Variants in NAXD observed in about 807,000 individuals in gnomAD.
NAXD encodes NAD(P)HX dehydratase, also known as ATP-dependent (S)-NAD(P)H-hydrate dehydratase.
NAXD carries 22 observed loss-of-function variants against 35.8 expected under a neutral mutation model. The observed-to-expected ratio is 0.62, with a 90% CI of 0.44 to 0.88. The LOEUF (loss-of-function observed/expected upper bound fraction) is 0.88. NAXD is among the 40% of genes least tolerant of loss of function. The pLI is 0.00. For missense variants in NAXD, 428 were observed against 437.7 expected (o/e 0.98, Z 0.20); for synonymous variants, 189 against 177.6 (o/e 1.06, Z -0.51).
In NAXD at chr13:110,628,306, G is replaced by A. The variant is rs1474165961; in HGVS notation, c.441+759G>A. Among the ~76,000 whole-genome samples, 1 of 152,170 alleles carries A rather than the reference G, an allele frequency of 6.6e-6. No homozygotes were observed. Among genetic ancestry groups the A allele is most frequent in the Admixed American group, 6.5e-5 (1 of 15,278 alleles). ...CCGGGGGACCCCTGTTAGAGCTCCT[G>A]GGGGAAGACACAGTGTGCCAGATGG... On this transcript the variant is annotated intron_variant, in intron 5 of 9. Coordinates refer to ENST00000680254, the MANE Select transcript of NAXD (RefSeq NM_001242882.2). This position sits in a 1 kb window ranked among gnomAD's most constrained non-coding sequence, Gnocchi z 4.1.
chr13:110,637,325 A>G, intron 9 of NAXD, 76 bp downstream of exon 9: 1 of 1,534,486 alleles, frequency 6.5e-7, no homozygotes, highest in Non-Finnish European at 9.0e-7. Context: ...TCATGCGTTG[A>G]ATAAGTAGCC....
rs1886999899 is a variant in NAXD at position 110,638,029 on chromosome 13, C to A, written c.840-349C>A. ...GTAGCAGGAATCCCCATTCTCAGAC[C>A]TCAGATGCCCTCTGCACCTGGGCAC... is the stretch of plus-strand genomic sequence containing the variant. On this transcript the variant is annotated intron_variant, in intron 9 of 9. Coordinates refer to ENST00000680254, the MANE Select transcript of NAXD (RefSeq NM_001242882.2). This position sits in a 1 kb window ranked among gnomAD's most constrained non-coding sequence, Gnocchi z 5.4. 6.6e-6 allele frequency among the ~76,000 whole-genome samples: 1 copy of A among 152,170 alleles called. No individual in the cohort carries two copies. The highest frequency in any genetic ancestry group is 1.5e-5 in the Non-Finnish European group (1 of 68,028).
intron 5 of NAXD, among the ~76,000 whole-genome samples, chr13:110,631,200 C>T (rs987456937): frequency 2.6e-5 from 4 of 152,178 alleles, no homozygotes; most frequent in African/African-American, 7.2e-5. Context: ...TTTGCACACT[C>T]GTTAACAGTG....
chr13:110,635,654 T>C (rs1200770986), intron 8 of NAXD, 66 bp downstream of exon 8: 24 of 1,586,212 alleles, frequency 1.5e-5, no homozygotes, highest in African/African-American at 2.7e-5. Context: ...ACACCGAGCA[T>C]GAGCCCTGGA....
At chr13:110,635,444 C>G (rs1347758716) in intron 7 of NAXD, 24 bp from the exon 8 acceptor site, 1 of 1,607,818 alleles carries the variant, frequency 6.2e-7, no homozygotes. Context: ...TTTGCTTTTT[C>G]TCTGTCTTCC....
intron 4 of NAXD, among the ~76,000 whole-genome samples, chr13:110,626,522 A>C (rs900900878): frequency 6.7e-6 from 1 of 149,808 alleles, no homozygotes; most frequent in Non-Finnish European, 1.5e-5. Flanking sequence ...GACGGTGCTT[A>C]AAGCTGGAAG....
intron 4 of NAXD, among the ~76,000 whole-genome samples, chr13:110,627,067 AAG>A (rs1205818862): frequency 6.6e-6 from 1 of 152,178 alleles, no homozygotes; most frequent in Non-Finnish European, 1.5e-5. Flanking sequence ...TGGGCATTAA[AAG>A]AGAGATCAGG....
rs1416265775 is a variant in NAXD, at chr13:110,638,401, C to T, written c.863C>T (p.Ala288Val). 14 of 1,613,754 alleles carry T rather than the reference C, an allele frequency of 8.7e-6. No homozygotes were observed. Among genetic ancestry groups the T allele is most frequent in the Admixed American group, 3.3e-5 (2 of 60,022 alleles). Residue 288 changes from alanine (A) to valine (V), a missense_variant, in exon 10 of 10, where the codon GCG becomes GTG. Transcript: ENST00000680254. The surrounding 1 kb of genome is among the most constrained non-coding windows in gnomAD (Gnocchi z 5.4). ...AGGTCCAGCCCTCTCCTGGTGGCCG[C>T]GTTTGGCGCCTGCTCTCTCACCAGG... ...TNGSSPLLVA[A>V]FGACSLTRQC...
At chr13:110,633,673 A>G (rs1012193472) in intron 5 of NAXD, among the ~76,000 whole-genome samples, 3 of 151,254 alleles carry the variant, frequency 2.0e-5, no homozygotes, top group Non-Finnish European at 4.4e-5. Flanking sequence ...ATGCTACTGC[A>G]GTGTATAATC....
intron 1 of NAXD, 116 bp downstream of exon 1, chr13:110,615,763 C>A: frequency 1.4e-6 from 2 of 1,422,850 alleles, no homozygotes; most frequent in South Asian, 3.0e-5. Context: ...TACGGGCCGC[C>A]ACTGGACGCA....
chr13:110,631,016 G>A (rs1002555394), intron 5 of NAXD, among the ~76,000 whole-genome samples: 1 of 152,182 alleles, frequency 6.6e-6, no homozygotes. Context: ...TCAGCTTGCT[G>A]ATTTGTGGAA....
rs749783304 is a variant in NAXD at position 110,638,296 on chromosome 13, C to T, written c.840-82C>T. The T allele has an allele frequency of 1.2e-6, 2 of 1,607,302 alleles. No homozygotes were observed. The highest frequency in any genetic ancestry group is 1.7e-6 in the Non-Finnish European group (2 of 1,176,974). On this transcript the variant is annotated intron_variant, in intron 9 of 9. Coordinates refer to ENST00000680254, the MANE Select transcript of NAXD (RefSeq NM_001242882.2). This position sits in a 1 kb window ranked among gnomAD's most constrained non-coding sequence, Gnocchi z 5.4. ...GGGGTCCTGAGATTGAAACAGGAGT[C>T]AAAACCAGAGCCCAGGGTAGCTGCG... is the stretch of plus-strand genomic sequence containing the variant.
At position 110,638,646 on chromosome 13, in the gene NAXD, G is replaced by A. The variant is rs758974410; in HGVS notation, c.*118G>A. On this transcript the variant is annotated 3_prime_UTR_variant, in exon 10 of 10. Transcript: ENST00000680254. This position sits in a 1 kb window ranked among gnomAD's most constrained non-coding sequence, Gnocchi z 5.4. Reference sequence around the variant, plus strand: ...ACGGTGCTTGCCAGATTTTCAACTTGAGCATAAATTGGTTGCCATTGAGAA... The same window carrying A: ...ACGGTGCTTGCCAGATTTTCAACTTAAGCATAAATTGGTTGCCATTGAGAA... The A allele has an allele frequency of 3.3e-6, 4 of 1,197,250 alleles. No homozygotes were observed. The African/African-American group carries it at 4.5e-5, about 13-fold the overall frequency. The allele number at this position is 1,197,250 out of a possible 1,614,324, so 74.2% of individuals were successfully genotyped here.
chr13:110,618,226 G>A (rs1416591589), intron 1 of NAXD, among the ~76,000 whole-genome samples: 2 of 152,098 alleles, frequency 1.3e-5, no homozygotes, highest in East Asian at 1.9e-4. Context: ...TTTGAGAGCC[G>A]TTGTTCTCAT....
rs576045093 is a variant in NAXD, at chr13:110,627,528, C to T, written c.422C>T (p.Ala141Val). 12 of 1,612,834 alleles carry T rather than the reference C, an allele frequency of 7.4e-6. No homozygotes were observed. In the East Asian group the frequency reaches 1.3e-4, roughly 18 times the overall value. ...GGACCTGGCTTGGGTAGAGATGATG[C>T]GCTTCTCAGAAATGTCCAGGTAATG... ...VVGPGLGRDDALLRNVQGILE... is the reference protein window; with the variant it reads ...VVGPGLGRDDVLLRNVQGILE... Residue 141 changes from alanine to valine, a missense_variant, in exon 5 of 10, where the codon GCG (alanine) becomes GTG (valine). Transcript: ENST00000680254.
intron 5 of NAXD, among the ~76,000 whole-genome samples, chr13:110,632,518 A>T (rs965992067): frequency 1.3e-5 from 2 of 152,092 alleles, no homozygotes; most frequent in Non-Finnish European, 2.9e-5. Flanking sequence ...CAGGGCACTG[A>T]TTGGTGTGTT....
In NAXD at chr13:110,638,390, C is replaced by T. The variant is rs1187359534; in HGVS notation, c.852C>T (p.Leu284=). Residue 284 remains leucine, a synonymous_variant, in exon 10 of 10, where the codon CTC becomes CTT. Transcript: ENST00000680254. The surrounding 1 kb of genome is among the most constrained non-coding windows in gnomAD (Gnocchi z 5.4). ...GPQKTNGSSP[L]LVAAFGACSL... is the part of the protein sequence containing the mutation. ...CCCCTCTCCGCAGGTCCAGCCCTCT[C>T]CTGGTGGCCGCGTTTGGCGCCTGCT... The T allele has an allele frequency of 6.2e-7, 1 of 1,613,708 alleles. No homozygotes were observed. The highest frequency in any genetic ancestry group is 1.3e-5 in the African/African-American group (1 of 74,938).
At chr13:110,623,439 G>A (rs763686111) in intron 2 of NAXD, among the ~76,000 whole-genome samples, 2 of 152,200 alleles carry the variant, frequency 1.3e-5, no homozygotes, top group Non-Finnish European at 2.9e-5. Context: ...ACAGCCAGGC[G>A]GAAGCAGCTG....
chr13:110,628,743 G>A lies in NAXD; in HGVS notation c.441+1196G>A, dbSNP rs780735881. 2.2e-4 allele frequency among the ~76,000 whole-genome samples: 34 copies of A among 152,136 alleles called. No individual in the cohort carries two copies. Among genetic ancestry groups the A allele is most frequent in the African/African-American group, 2.9e-4 (12 of 41,516 alleles). ...AGCAGTAGAACCCTCTGTCATCCCC[G>A]GGGAGAGGCTCTCAATGGGGAGTCC... On this transcript the variant is annotated intron_variant, in intron 5 of 9. Coordinates refer to ENST00000680254, the MANE Select transcript of NAXD (RefSeq NM_001242882.2). The surrounding 1 kb of genome is among the most constrained non-coding windows in gnomAD (Gnocchi z 4.1).
Sources: allele counts gnomAD v4.1 joint callset (sites outside exome capture counted in the v4.1 genomes callset), GRCh38; gene constraint gnomAD v4.1.1; non-coding constraint Gnocchi (gnomAD v3.1); transcripts MANE v1.5; gene names NCBI Gene and HGNC (gene_info 2026-07-23, HGNC 2026-07-21).